VPS53: variants seen among roughly 807,000 people sequenced by gnomAD.
VPS53 encodes VPS53 subunit of GARP complex.
A neutral mutation model predicts 107.0 loss-of-function variants in VPS53; 70 were observed. The ratio of observed to expected loss-of-function variants is 0.65; its 90% CI spans 0.54 to 0.80. The LOEUF is 0.80. VPS53 is among the 30% of genes least tolerant of loss of function. The pLI is 0.00. For missense variants in VPS53, 917 were observed against 1,049.4 expected (o/e 0.87, Z 1.74); for synonymous variants, 409 against 393.3 (o/e 1.04, Z -0.47).
chr17:647,595 A>G (rs1597432572), intron 7 of VPS53, among the ~76,000 whole-genome samples: 2 of 152,232 alleles, frequency 1.3e-5, no homozygotes, highest in East Asian at 1.9e-4. Context: ...TGCAGCTCAT[A>G]AAGTCCTGTT....
chr17:661,515 C>A (rs1307678574), intron 5 of VPS53, among the ~76,000 whole-genome samples: 1 of 107,256 alleles, frequency 9.3e-6, no homozygotes, highest in South Asian at 3.9e-4. Flanking sequence ...AGCAAGACTC[C>A]ATCTCAAAAA....
chr17:607,960 C>A (rs1261704857), intron 11 of VPS53, among the ~76,000 whole-genome samples: 1 of 151,758 alleles, frequency 6.6e-6, no homozygotes, highest in Non-Finnish European at 1.5e-5. Flanking sequence ...CTGGACACAT[C>A]GAATTATCAA....
In VPS53 at chr17:627,284, A is replaced by G. The variant is rs2143082149; in HGVS notation, c.864T>C (p.Tyr288=). 10 of 1,614,024 alleles carry G rather than the reference A, an allele frequency of 6.2e-6. No homozygotes were observed. The highest frequency in any genetic ancestry group is 8.5e-6 in the Non-Finnish European group (10 of 1,179,994). The change falls in exon 10 of 22, where the codon TAT becomes TAC. Residue 288 remains tyrosine, a synonymous_variant. Coordinates refer to ENST00000437048, the MANE Select transcript of VPS53 (RefSeq NM_001128159.3). ...CCACAAGCTGGCGTTTTATCCAGGC[A>G]TAGCGTCTGTCGATTTTGTCCAGCC... ...VAWLDKIDRR[Y]AWIKRQLVDY...
chr17:708,057 G>A lies in VPS53; in HGVS notation c.168+2476C>T, dbSNP rs184029535. On this transcript the variant is annotated intron_variant, in intron 2 of 21. Coordinates refer to ENST00000437048, the MANE Select transcript of VPS53 (RefSeq NM_001128159.3). The stretch of plus-strand genomic sequence containing the variant: ...GGTCCTGTGTTTAGAAGGGCCTTCT[G>A]TAGGGTCCAGCCCTACGGGGCCTTG... Among the ~76,000 whole-genome samples, 7 of 152,280 alleles carry A rather than the reference G, an allele frequency of 4.6e-5. No homozygotes were observed. The East Asian group carries it at 1.4e-3, about 29-fold the overall frequency.
intron 4 of VPS53, among the ~76,000 whole-genome samples, chr17:669,410 C>T (rs562498613): frequency 2.2e-4 from 34 of 151,894 alleles, no homozygotes; most frequent in African/African-American, 7.0e-4. Context: ...ACCAACATGA[C>T]GAAACTCCGT....
chr17:535,113 C>A (rs1284302764), intron 18 of VPS53, among the ~76,000 whole-genome samples: 1 of 152,166 alleles, frequency 6.6e-6, no homozygotes, highest in Non-Finnish European at 1.5e-5. Flanking sequence ...AGGGAAGGGT[C>A]TCCTCACAAG....
At chr17:615,716 T>C (rs1255207444) in intron 11 of VPS53, among the ~76,000 whole-genome samples, 1 of 152,134 alleles carries the variant, frequency 6.6e-6, no homozygotes, top group Non-Finnish European at 1.5e-5. Flanking sequence ...AACAAAATGG[T>C]AGCCAAAAAG....
At chr17:662,094 T>C (rs1335636937) in intron 4 of VPS53, among the ~76,000 whole-genome samples, 199 bp from the exon 5 acceptor site, 1 of 152,208 alleles carries the variant, frequency 6.6e-6, no homozygotes, top group Non-Finnish European at 1.5e-5. Context: ...CTCGGGACTC[T>C]TACCAATGTT....
At chr17:621,577 ATTT>A (rs1208551813) in intron 11 of VPS53, among the ~76,000 whole-genome samples, 1 of 151,900 alleles carries the variant, frequency 6.6e-6, no homozygotes, top group Non-Finnish European at 1.5e-5. Flanking sequence ...TAGTCTTGTA[ATTT>A]TTTTCTGTTT....
At position 666,144 on chromosome 17, in the gene VPS53, A is replaced by G. The variant is rs74678998; in HGVS notation, c.286-4249T>C. On this transcript the variant is annotated intron_variant, in intron 4 of 21. Coordinates refer to ENST00000437048, the MANE Select transcript of VPS53 (RefSeq NM_001128159.3). ...TTTAGAGATGATATGTAAGTCTGTAAGATTAGAAGTCACCTAGGAAGACAG... is the reference window on the plus strand; with the variant it reads ...TTTAGAGATGATATGTAAGTCTGTAGGATTAGAAGTCACCTAGGAAGACAG... Among the ~76,000 whole-genome samples, 338 of 152,332 alleles carry G rather than the reference A, an allele frequency of 2.2e-3. 9 individuals carry two copies. In the East Asian group the frequency reaches 0.055, roughly 25 times the overall value.
intron 12 of VPS53, among the ~76,000 whole-genome samples, chr17:599,742 T>G (rs1238629953): frequency 7.0e-6 from 1 of 143,534 alleles, no homozygotes; most frequent in Non-Finnish European, 1.5e-5. Flanking sequence ...ACCCAAGAAT[T>G]ATCAATAAAA....
In VPS53 at chr17:680,459, G is replaced by A. The variant is rs535963783; in HGVS notation, c.285+16959C>T. Among the ~76,000 whole-genome samples the A allele has an allele frequency of 1.4e-4, 22 of 151,900 alleles. 1 individual carries two copies. Among genetic ancestry groups the A allele is most frequent in the Admixed American group, 4.6e-4 (7 of 15,262 alleles). ...TTAAAAGACAATACACGATGACCCAGCAAGCATTTATGAAAGGTTAAATAT... is the reference window on the plus strand; with the variant it reads ...TTAAAAGACAATACACGATGACCCAACAAGCATTTATGAAAGGTTAAATAT... On this transcript the variant is annotated intron_variant, in intron 4 of 21. Transcript: ENST00000437048.
intron 4 of VPS53, among the ~76,000 whole-genome samples, chr17:664,592 C>T (rs931565503): frequency 6.6e-6 from 1 of 152,140 alleles, no homozygotes; most frequent in African/African-American, 2.4e-5. Context: ...AATGAGAAGC[C>T]ACTGAAGGGT....
At chr17:666,851 G>A (rs192828389) in intron 4 of VPS53, among the ~76,000 whole-genome samples, 37 of 151,532 alleles carry the variant, frequency 2.4e-4, no homozygotes, top group Non-Finnish European at 4.9e-4. Context: ...CCCAGGAAAC[G>A]GAAGCTGCAG....
intron 4 of VPS53, among the ~76,000 whole-genome samples, chr17:695,471 G>C (rs1489387388): frequency 6.6e-6 from 1 of 152,132 alleles, no homozygotes; most frequent in Non-Finnish European, 1.5e-5. Context: ...AGAGCACAAA[G>C]TCTTCAGTGT....
intron 13 of VPS53, among the ~76,000 whole-genome samples, chr17:565,718 C>T (rs1444377073): frequency 5.3e-5 from 8 of 151,940 alleles, no homozygotes; most frequent in East Asian, 1.9e-4. Context: ...GGCCTCGCAA[C>T]GGCTCCCCTG....
intron 13 of VPS53, among the ~76,000 whole-genome samples, chr17:572,576 T>C (rs1267934434): frequency 4.6e-5 from 7 of 151,774 alleles, no homozygotes; most frequent in Admixed American, 2.0e-4. Flanking sequence ...GGCGGTTTTG[T>C]GGAATAGAAA....
At chr17:624,264 A>G (rs1472126941) in intron 10 of VPS53, among the ~76,000 whole-genome samples, 2 of 152,196 alleles carry the variant, frequency 1.3e-5, no homozygotes, top group Non-Finnish European at 2.9e-5. Flanking sequence ...ATATAATTTC[A>G]CAAGTCATTA....
At chr17:613,479 T>C (rs1167348764) in intron 11 of VPS53, among the ~76,000 whole-genome samples, 3 of 152,112 alleles carry the variant, frequency 2.0e-5, no homozygotes, top group Admixed American at 2.0e-4. Flanking sequence ...TGTACAAATA[T>C]TCACATAGTG....
Sources: gnomAD v4.1 joint callset for allele counts (sites outside exome capture counted in the v4.1 genomes callset) on GRCh38, gnomAD v4.1.1 for gene constraint, MANE v1.5 for transcripts, NCBI Gene and HGNC (gene_info 2026-07-23, HGNC 2026-07-21) for gene names.